GARNL3: variants seen among roughly 807,000 people sequenced by gnomAD.
GARNL3 encodes GTPase activating Rap/RanGAP domain like 3, also known as GTPase-activating Rap/Ran-GAP domain-like protein 3.
Under a neutral mutation model 125.0 loss-of-function variants are expected in GARNL3, and 63 were observed. That is an observed-to-expected ratio of 0.50 (90% CI 0.41 to 0.62). GARNL3 has a LOEUF of 0.62. Among genes scored for constraint, GARNL3 ranks in the 20% least tolerant of loss-of-function variants. The pLI is 0.00. For missense variants in GARNL3, 994 were observed against 1,244.0 expected (o/e 0.80, Z 3.02); for synonymous variants, 439 against 457.5 (o/e 0.96, Z 0.52).
intron 2 of GARNL3, among the ~76,000 whole-genome samples, chr9:127,306,785 G>T (rs1223331863): frequency 6.6e-6 from 1 of 151,990 alleles, no homozygotes; most frequent in Non-Finnish European, 1.5e-5. Flanking sequence ...TACTCGGGAG[G>T]CTGAGGTAGT....
chr9:127,329,526 T>C (rs1172174538), intron 7 of GARNL3, among the ~76,000 whole-genome samples: 3 of 152,090 alleles, frequency 2.0e-5, no homozygotes, highest in Admixed American at 6.5e-5. Flanking sequence ...GCAAAACCAG[T>C]CTTTCTGGAG....
At chr9:127,240,932 C>A (rs1230775946) in intron 1 of GARNL3, among the ~76,000 whole-genome samples, 1 of 152,184 alleles carries the variant, frequency 6.6e-6, no homozygotes, top group Non-Finnish European at 1.5e-5. Context: ...TAATTAAAAT[C>A]ATTCTAACAG....
At chr9:127,300,730 C>T in intron 2 of GARNL3, 2 of 339,656 alleles carry the variant, frequency 5.9e-6, no homozygotes, top group South Asian at 2.4e-5. Flanking sequence ...GCTGGGATTA[C>T]AGGCGCGAGC....
chr9:127,386,436 G>C (rs1437686217), intron 24 of GARNL3, among the ~76,000 whole-genome samples: 1 of 152,184 alleles, frequency 6.6e-6, no homozygotes, highest in Non-Finnish European at 1.5e-5. Context: ...AAGAGTCCCT[G>C]CATGATTGAT....
At chr9:127,276,890 C>T (rs1048242288) in intron 1 of GARNL3, among the ~76,000 whole-genome samples, 2 of 152,212 alleles carry the variant, frequency 1.3e-5, no homozygotes, top group African/African-American at 4.8e-5. Flanking sequence ...TTCACAATGA[C>T]CTAATGAGGT....
intron 2 of GARNL3, among the ~76,000 whole-genome samples, chr9:127,307,769 T>C (rs1479447882): frequency 6.6e-6 from 1 of 152,180 alleles, no homozygotes; most frequent in African/African-American, 2.4e-5. Context: ...ACAAGTTTTT[T>C]TTAATGTGTC....
chr9:127,279,006 A>G (rs542033129), intron 1 of GARNL3, among the ~76,000 whole-genome samples: 16 of 152,244 alleles, frequency 1.1e-4, no homozygotes, highest in African/African-American at 3.9e-4. Context: ...TCAACAAATT[A>G]CATCTGCAAA....
chr9:127,337,519 G>A (rs1829620362), intron 11 of GARNL3, among the ~76,000 whole-genome samples: 1 of 152,158 alleles, frequency 6.6e-6, no homozygotes, highest in Admixed American at 6.5e-5. Context: ...GGTGGGTGGA[G>A]GTGGAAGGGG....
At chr9:127,315,358 C>A (rs930753258) in intron 4 of GARNL3, among the ~76,000 whole-genome samples, 1 of 152,136 alleles carries the variant, frequency 6.6e-6, no homozygotes, top group Non-Finnish European at 1.5e-5. Flanking sequence ...CTAGCTAGGC[C>A]CAGCACAGTG....
At chr9:127,298,409 C>A (rs191595811) in intron 2 of GARNL3, among the ~76,000 whole-genome samples, 37 of 152,170 alleles carry the variant, frequency 2.4e-4, no homozygotes, top group East Asian at 2.3e-3. Context: ...AAACTCCTGA[C>A]ATCAGGTGAT....
At chr9:127,389,858 C>A (rs552171870) in intron 26 of GARNL3, among the ~76,000 whole-genome samples, 1 of 145,600 alleles carries the variant, frequency 6.9e-6, no homozygotes, top group Non-Finnish European at 1.5e-5. Flanking sequence ...GAGGTCAAGG[C>A]TACAGGGACC....
At chr9:127,318,277 C>A in intron 5 of GARNL3, 150 bp downstream of exon 5, 1 of 658,348 alleles carries the variant, frequency 1.5e-6, no homozygotes, top group South Asian at 1.7e-5. Flanking sequence ...TGACGTGCAT[C>A]ACCTCGTGTC....
At chr9:127,293,194 CT>C (rs2064478608) in intron 2 of GARNL3, among the ~76,000 whole-genome samples, 2 of 152,262 alleles carry the variant, frequency 1.3e-5, no homozygotes, top group South Asian at 4.2e-4. Context: ...AAACAGCTGG[CT>C]TTCTCTGAAT....
intron 17 of GARNL3, among the ~76,000 whole-genome samples, chr9:127,349,994 C>T (rs1222197219): frequency 1.3e-5 from 2 of 152,186 alleles, no homozygotes; most frequent in East Asian, 3.9e-4. Context: ...TTACCGAACA[C>T]CTGCTGTGTG....
chr9:127,344,486 G>T, intron 15 of GARNL3, 147 bp downstream of exon 15: 1 of 644,518 alleles, frequency 1.6e-6, no homozygotes, highest in Non-Finnish European at 2.8e-6. Context: ...CCACGAGTGA[G>T]ATTTTTGAGA....
In GARNL3 at chr9:127,296,464, C is replaced by CTTT. The variant is rs777082855; in HGVS notation, c.219+5244_219+5246dup. On this transcript the variant is annotated intron_variant, in intron 2 of 27. Coordinates refer to ENST00000373387, the MANE Select transcript of GARNL3 (RefSeq NM_032293.5). ...TAGAGGTTTCATCAGGTAGGCATGA[C>CTTT]TTTTTTTTTTTTTTTTTTTTTTTTG... Among the ~76,000 whole-genome samples the CTTT allele has an allele frequency of 2.0e-3, 174 of 87,088 alleles. 2 individuals carry two copies. Among genetic ancestry groups the CTTT allele is most frequent in the East Asian group, 3.8e-3 (11 of 2,868 alleles). 57.1% of individuals were successfully genotyped at this position (87,088 alleles called of 152,430 possible).
intron 6 of GARNL3, among the ~76,000 whole-genome samples, chr9:127,324,381 T>C (rs983550848): frequency 2.6e-5 from 4 of 152,234 alleles, no homozygotes; most frequent in Non-Finnish European, 4.4e-5. Flanking sequence ...ATGTCTCCAG[T>C]TGACACAGCT....
chr9:127,275,864 A>G (rs914626485), intron 1 of GARNL3, among the ~76,000 whole-genome samples: 2 of 152,270 alleles, frequency 1.3e-5, no homozygotes, highest in Admixed American at 1.3e-4. Context: ...TAATTGGTCT[A>G]TTGCAGTTAT....
chr9:127,252,005 C>A (rs547082845), intron 2 of GARNL3, among the ~76,000 whole-genome samples: 17 of 152,184 alleles, frequency 1.1e-4, no homozygotes, highest in Non-Finnish European at 2.5e-4. Context: ...CCCACATATA[C>A]CTTCCAATAA....
Sources: gnomAD v4.1 joint callset for allele counts (sites outside exome capture counted in the v4.1 genomes callset) on GRCh38, gnomAD v4.1.1 for gene constraint, MANE v1.5 for transcripts, NCBI Gene and HGNC (gene_info 2026-07-23, HGNC 2026-07-21) for gene names.